Variants in EZH1 observed in about 807,000 individuals in gnomAD.
EZH1 encodes enhancer of zeste 1 polycomb repressive complex 2 subunit.
Under a neutral mutation model 100.5 loss-of-function variants are expected in EZH1, and 33 were observed. The ratio of observed to expected loss-of-function variants is 0.33; its 90% CI spans 0.25 to 0.44. The LOEUF (loss-of-function observed/expected upper bound fraction) is 0.44. Among genes scored for constraint, EZH1 ranks in the 20% least tolerant of loss-of-function variants. The pLI, the probability that EZH1 is intolerant of heterozygous loss-of-function variation, is 1.00. For synonymous variants in EZH1, 272 were observed against 313.8 expected, an observed-to-expected ratio of 0.87 and a Z score of 1.41; for missense variants, 475 against 928.4, an observed-to-expected ratio of 0.51 and a Z score of 6.35.
chr17:42,718,381 A>G lies in EZH1; in HGVS notation c.931+73T>C, dbSNP rs946944739. On this transcript the variant is annotated intron_variant, in intron 9 of 20. Coordinates refer to ENST00000428826, the MANE Select transcript of EZH1 (RefSeq NM_001991.5). This position sits in a 1 kb window ranked among gnomAD's most constrained non-coding sequence, Gnocchi z 4.2. ...AGCCAGGAACTCTATACGAGAAACC[A>G]GAACAAAGAGAAGGAAATGGTGGCT... 3 of 1,578,146 alleles carry G rather than the reference A, an allele frequency of 1.9e-6. No individual in the cohort carries two copies. The Admixed American group carries it at 5.3e-5, about 28-fold the overall frequency.
Position 42,719,195 on chromosome 17 carries a change from C to G in EZH1, c.677G>C (p.Ser226Thr), listed in dbSNP as rs2053659986. 6.2e-7 allele frequency: 1 copy of G among 1,613,630 alleles called. No homozygotes were observed. Among genetic ancestry groups the G allele is most frequent in the Non-Finnish European group, 8.5e-7 (1 of 1,179,644 alleles). The change falls in exon 8 of 21, where the codon AGT becomes ACT. Residue 226 changes from serine to threonine, a missense_variant. By Grantham distance (58) the Ser-to-Thr change is moderately conservative (BLOSUM62 1). Transcript: ENST00000428826. ...KRHAIEGNKKSSKKQFPNDMI... is the reference protein window; with the variant it reads ...KRHAIEGNKKTSKKQFPNDMI... ...GTCATTTGGGAACTGTTTCTTGGAA[C>G]TCTTTTTGTTGCCTGAATTGGAAAT...
Position 42,703,816 on chromosome 17 carries a change from A to G in EZH1, c.2022T>C (p.Phe674=), listed in dbSNP as rs1474061066. 2 of 1,612,620 alleles carry G rather than the reference A, an allele frequency of 1.2e-6. No individual in the cohort carries two copies. Among genetic ancestry groups the G allele is most frequent in the African/African-American group, 2.7e-5 (2 of 75,012 alleles). ...TTCCTTTCCGAGTAGCATCCACTACAAAATCTGTATAAAGTAAATCAAGGA... is the reference window on the plus strand; with the variant it reads ...TTCCTTTCCGAGTAGCATCCACTACGAAATCTGTATAAAGTAAATCAAGGA... ...SSFLFNLNND[F]VVDATRKGNK... The change falls in exon 19 of 21, where the codon TTT becomes TTC. Residue 674 remains phenylalanine, a synonymous_variant. Coordinates refer to ENST00000428826, the MANE Select transcript of EZH1 (RefSeq NM_001991.5).
chr17:42,733,259 C>G (rs183406574), intron 1 of EZH1, among the ~76,000 whole-genome samples: 1 of 149,894 alleles, frequency 6.7e-6, no homozygotes, highest in Non-Finnish European at 1.5e-5. Context: ...ATTGCTTGAA[C>G]CTGGGAGGCA....
At chr17:42,730,195 A>G (rs1031456144) in intron 2 of EZH1, among the ~76,000 whole-genome samples, 1 of 152,216 alleles carries the variant, frequency 6.6e-6, no homozygotes, top group African/African-American at 2.4e-5. Context: ...CACAGGTACT[A>G]GGAACTTGGA....
rs142404960 is a variant in EZH1, at chr17:42,737,448, C to G, written c.-102-6530G>C. On this transcript the variant is annotated intron_variant, in intron 1 of 20. Coordinates refer to ENST00000428826, the MANE Select transcript of EZH1 (RefSeq NM_001991.5). ...AGATCCCATCTCTACAAAAGAAATA[C>G]AAAAATTAGTTGGGCATGGTGGCGT... Among the ~76,000 whole-genome samples the G allele has an allele frequency of 2.7e-4, 41 of 152,142 alleles. No homozygotes were observed. In the East Asian group the frequency reaches 5.4e-3, roughly 20 times the overall value.
At chr17:42,703,507 A>G in intron 19 of EZH1, 1 of 524,764 alleles carries the variant, frequency 1.9e-6, no homozygotes, top group Non-Finnish European at 3.4e-6. Context: ...GGGTCTCACT[A>G]TGTTGCTCAG....
At chr17:42,722,692 A>G in intron 6 of EZH1, 103 bp downstream of exon 6, 1 of 1,142,368 alleles carries the variant, frequency 8.8e-7, no homozygotes. Context: ...TGCAGTGTGT[A>G]CCCCATGGGG....
Position 42,702,381 on chromosome 17 carries a change from TG to T in EZH1, c.*150del. 1 of 610,138 alleles carries T rather than the reference TG, an allele frequency of 1.6e-6. No homozygotes were observed. Among genetic ancestry groups the T allele is most frequent in the Non-Finnish European group, 2.8e-6 (1 of 352,944 alleles). The allele number at this position is 610,138 out of a possible 1,614,324, so 37.8% of individuals were successfully genotyped here. Reference sequence around the variant, plus strand: ...CTCATTGAGACAGTTTTGTGCCCTCTGGACATGGCAGAGGCCTCACTACAGA... The same window carrying T: ...CTCATTGAGACAGTTTTGTGCCCTCTGACATGGCAGAGGCCTCACTACAGA... On this transcript the variant is annotated 3_prime_UTR_variant, in exon 21 of 21. Coordinates refer to ENST00000428826, the MANE Select transcript of EZH1 (RefSeq NM_001991.5).
At chr17:42,717,691 T>C (rs1476030155) in intron 10 of EZH1, among the ~76,000 whole-genome samples, 1 of 152,134 alleles carries the variant, frequency 6.6e-6, no homozygotes, top group African/African-American at 2.4e-5. Flanking sequence ...TACACTTTGC[T>C]CCAATTCTAA....
intron 2 of EZH1, among the ~76,000 whole-genome samples, chr17:42,730,075 A>C (rs1013218993): frequency 6.6e-6 from 1 of 151,832 alleles, no homozygotes; most frequent in South Asian, 2.1e-4. Context: ...ACAAAAAAAA[A>C]CAACAACAAC....
intron 3 of EZH1, among the ~76,000 whole-genome samples, chr17:42,728,042 C>A (rs1223816548): frequency 6.6e-6 from 1 of 151,236 alleles, no homozygotes; most frequent in Non-Finnish European, 1.5e-5. Context: ...GTTTGAAACT[C>A]CTGGCCTCAA....
chr17:42,721,277 T>C (rs1486495708), intron 6 of EZH1, among the ~76,000 whole-genome samples: 1 of 152,218 alleles, frequency 6.6e-6, no homozygotes, highest in Non-Finnish European at 1.5e-5. Flanking sequence ...GGTGGGGCTG[T>C]TGGTTTATGA....
intron 2 of EZH1, 77 bp from the exon 3 acceptor site, chr17:42,729,029 AG>A (rs981347397): frequency 9.9e-6 from 13 of 1,317,486 alleles, no homozygotes; most frequent in African/African-American, 7.5e-5. Context: ...AAAAAAAAAA[AG>A]ATCAATTATG....
chr17:42,704,576 TG>T (rs1567982923), intron 18 of EZH1, 25 bp downstream of exon 18: 2 of 1,578,744 alleles, frequency 1.3e-6, no homozygotes, highest in Non-Finnish European at 1.7e-6. Flanking sequence ...AAGACCACCT[TG>T]GGATGAGACA....
At chr17:42,728,339 C>G (rs1209164011) in intron 3 of EZH1, among the ~76,000 whole-genome samples, 2 of 150,644 alleles carry the variant, frequency 1.3e-5, no homozygotes. Context: ...GTCTCGAACT[C>G]CTGACCTCAG....
chr17:42,742,452 G>T (rs565333524), intron 1 of EZH1, among the ~76,000 whole-genome samples: 7 of 152,096 alleles, frequency 4.6e-5, no homozygotes, highest in Non-Finnish European at 1.0e-4. Flanking sequence ...CTCTAGTGCT[G>T]TTTCAAAGGG....
intron 3 of EZH1, 22 bp downstream of exon 3, chr17:42,728,803 T>C: frequency 1.2e-6 from 2 of 1,609,294 alleles, no homozygotes; most frequent in Non-Finnish European, 1.7e-6. Flanking sequence ...ATATAAACTT[T>C]CACTTGGGAA....
At chr17:42,741,308 C>T (rs1336906076) in intron 1 of EZH1, among the ~76,000 whole-genome samples, 2 of 152,224 alleles carry the variant, frequency 1.3e-5, no homozygotes, top group Admixed American at 1.3e-4. Flanking sequence ...CAACCTCCGC[C>T]TTCCAGGTTC....
intron 5 of EZH1, among the ~76,000 whole-genome samples, chr17:42,724,042 A>G (rs542697226): frequency 6.6e-6 from 1 of 152,344 alleles, no homozygotes; most frequent in East Asian, 1.9e-4. Flanking sequence ...TACTAAGAGA[A>G]AATTGAAATC....
Sources: gnomAD v4.1 joint callset for allele counts (sites outside exome capture counted in the v4.1 genomes callset) on GRCh38, gnomAD v4.1.1 for gene constraint, Gnocchi (gnomAD v3.1) non-coding constraint, MANE v1.5 for transcripts, NCBI Gene and HGNC (gene_info 2026-07-23, HGNC 2026-07-21) for gene names.